Variants in CACNA2D3 observed in about 807,000 individuals in gnomAD.
CACNA2D3 encodes calcium voltage-gated channel auxiliary subunit alpha2delta 3, also known as voltage-dependent calcium channel subunit alpha-2/delta-3.
A neutral mutation model predicts 160.6 loss-of-function variants in CACNA2D3; 60 were observed. The observed-to-expected ratio is 0.37, with a 90% confidence interval of 0.30 to 0.46. The LOEUF (loss-of-function observed/expected upper bound fraction) is 0.46. CACNA2D3 is among the 20% of genes least tolerant of loss of function. The pLI is 1.00. For missense variants in CACNA2D3, 1,205 were observed against 1,365.0 expected (o/e 0.88, Z 1.85); for synonymous variants, 558 against 492.9 (o/e 1.13, Z -1.75).
intron 3 of CACNA2D3, among the ~76,000 whole-genome samples, chr3:54,332,469 T>C (rs1704287473): frequency 6.6e-6 from 1 of 152,208 alleles, no homozygotes; most frequent in South Asian, 2.1e-4. Flanking sequence ...CACATATGTA[T>C]AGGACACGTG....
chr3:54,883,806 T>TCTCTCTCTCTCTCTCTCTCTCTCC (rs1699859664), intron 21 of CACNA2D3, among the ~76,000 whole-genome samples: 1 of 125,210 alleles, frequency 8.0e-6, no homozygotes, highest in Admixed American at 7.8e-5. Flanking sequence ...GGAATCTCTC[T>TCTCTCTCTCTCTCTCTCTCTCTCC]CTCTCTCTCT....
At chr3:55,059,865 C>T (rs962919986) in intron 35 of CACNA2D3, among the ~76,000 whole-genome samples, 6 of 152,028 alleles carry the variant, frequency 3.9e-5, no homozygotes, top group East Asian at 1.9e-4. Flanking sequence ...CCTCTCCAAC[C>T]GTCCCCAGCC....
intron 11 of CACNA2D3, among the ~76,000 whole-genome samples, chr3:54,716,475 C>T (rs975272480): frequency 2.6e-5 from 4 of 152,092 alleles, no homozygotes; most frequent in Admixed American, 6.5e-5. Context: ...AGGGGGTAGA[C>T]GTTACTGTCA....
rs147283994 is a variant in CACNA2D3, at chr3:55,066,315, A to G, written c.2988-7130A>G. ...TTTGGATAAAATCTGGAGAATCTAT[A>G]TAAAGGGTAAAAATCTATAAAGGGT... is the stretch of plus-strand genomic sequence containing the variant. On this transcript the variant is annotated intron_variant, in intron 35 of 37. Transcript: ENST00000474759. Among the ~76,000 whole-genome samples the G allele has an allele frequency of 5.9e-3, 901 of 152,310 alleles. 6 individuals are homozygous for G. The highest frequency in any genetic ancestry group is 0.021 in the African/African-American group (855 of 41,580).
chr3:54,144,925 T>C (rs1413558086), intron 2 of CACNA2D3, among the ~76,000 whole-genome samples: 1 of 152,244 alleles, frequency 6.6e-6, no homozygotes, highest in African/African-American at 2.4e-5. Flanking sequence ...CTTCTGCTGT[T>C]TTTAACAGAA....
At chr3:54,739,949 C>T (rs1328317502) in intron 11 of CACNA2D3, among the ~76,000 whole-genome samples, 1 of 152,036 alleles carries the variant, frequency 6.6e-6, no homozygotes, top group Non-Finnish European at 1.5e-5. Context: ...GGGCAGAGAC[C>T]ATATGGATTT....
intron 25 of CACNA2D3, 87 bp from the exon 26 acceptor site, chr3:54,896,662 T>A: frequency 6.5e-7 from 1 of 1,540,754 alleles, no homozygotes; most frequent in Non-Finnish European, 8.9e-7. Context: ...AACACTGGTT[T>A]TACCTGATGA....
intron 5 of CACNA2D3, among the ~76,000 whole-genome samples, chr3:54,520,958 C>A (rs546596779): frequency 1.3e-5 from 2 of 152,274 alleles, no homozygotes; most frequent in East Asian, 3.9e-4. Flanking sequence ...CTTTTTATGG[C>A]AGAATAATAT....
Position 54,798,772 on chromosome 3 carries a change from G to C in CACNA2D3, c.1381-18081G>C, listed in dbSNP as rs1702922304. Among the ~76,000 whole-genome samples, 3 of 152,332 alleles carry C rather than the reference G, an allele frequency of 2.0e-5. No individual in the cohort carries two copies. In the South Asian group the frequency reaches 6.2e-4, roughly 32 times the overall value. ...ACCCACTAGCGAGCAGCAGCCTGCA[G>C]AGGGGCACATTTCAGCACACAAGAG... On this transcript the variant is annotated intron_variant, in intron 13 of 37. Transcript: ENST00000474759.
At chr3:54,564,389 C>T (rs1378004838) in intron 6 of CACNA2D3, among the ~76,000 whole-genome samples, 1 of 152,178 alleles carries the variant, frequency 6.6e-6, no homozygotes, top group Non-Finnish European at 1.5e-5. Flanking sequence ...GACTTTTGGG[C>T]AGGATGTGGC....
Position 54,370,040 on chromosome 3 carries a change from C to G in CACNA2D3, c.322-16675C>G, listed in dbSNP as rs116540885. Among the ~76,000 whole-genome samples the G allele has an allele frequency of 2.5e-3, 380 of 152,260 alleles. 3 individuals carry two copies. Among genetic ancestry groups the G allele is most frequent in the African/African-American group, 8.8e-3 (367 of 41,544 alleles). ...GTTCTTAATTAAACTTGTATCTTCACGTAGCATATGAGCAATGGGAAAATC... is the reference window on the plus strand; with the variant it reads ...GTTCTTAATTAAACTTGTATCTTCAGGTAGCATATGAGCAATGGGAAAATC... On this transcript the variant is annotated intron_variant, in intron 3 of 37. Transcript: ENST00000474759.
intron 5 of CACNA2D3, among the ~76,000 whole-genome samples, chr3:54,529,537 C>T (rs1163696631): frequency 2.6e-5 from 4 of 152,170 alleles, no homozygotes; most frequent in Non-Finnish European, 5.9e-5. Flanking sequence ...ACCTGTCTGG[C>T]CTTCGGTTTC....
At chr3:54,337,921 G>A (rs981924758) in intron 3 of CACNA2D3, among the ~76,000 whole-genome samples, 1 of 152,154 alleles carries the variant, frequency 6.6e-6, no homozygotes, top group African/African-American at 2.4e-5. Flanking sequence ...ATCAAGCCAT[G>A]GACACCCCTT....
rs1190973400 is a variant in CACNA2D3 at position 54,626,648 on chromosome 3, A to G, written c.964-1139A>G. The G allele has an allele frequency of 5.5e-5, 50 of 916,720 alleles. No individual in the cohort carries two copies. The Admixed American group carries it at 9.5e-4, about 17-fold the overall frequency. The allele number at this position is 916,720 out of a possible 1,614,324, so 56.8% of individuals were successfully genotyped here. A position where few individuals can be genotyped will look rare whatever the true frequency, so the allele number is the denominator to read the frequency against. ...TCCTCCCGCTTCATCCCTCTCAAGCAGTGGCTCAGCTAATAAAGGCGCACA... is the reference window on the plus strand; with the variant it reads ...TCCTCCCGCTTCATCCCTCTCAAGCGGTGGCTCAGCTAATAAAGGCGCACA... On this transcript the variant is annotated intron_variant, in intron 9 of 37. Coordinates refer to ENST00000474759, the MANE Select transcript of CACNA2D3 (RefSeq NM_018398.3).
At chr3:54,573,240 A>G (rs1202441226) in intron 8 of CACNA2D3, among the ~76,000 whole-genome samples, 1 of 152,204 alleles carries the variant, frequency 6.6e-6, no homozygotes, top group Non-Finnish European at 1.5e-5. Context: ...AAAATCATGA[A>G]CTTTGTTCCT....
At chr3:54,905,083 T>G (rs375711361) in intron 27 of CACNA2D3, among the ~76,000 whole-genome samples, 5 of 152,218 alleles carry the variant, frequency 3.3e-5, no homozygotes, top group African/African-American at 1.2e-4. Flanking sequence ...TTATAGAAAC[T>G]GCTCTTTTTA....
chr3:54,949,240 A>C (rs1048144794), intron 27 of CACNA2D3, among the ~76,000 whole-genome samples: 5 of 152,210 alleles, frequency 3.3e-5, no homozygotes, highest in African/African-American at 9.7e-5. Flanking sequence ...CCCTATGCCT[A>C]GCAGGTGGAG....
intron 3 of CACNA2D3, among the ~76,000 whole-genome samples, chr3:54,356,105 T>C (rs1015560003): frequency 2.8e-4 from 37 of 132,662 alleles, no homozygotes; most frequent in Non-Finnish European, 1.6e-4. Flanking sequence ...AATGCCCTGA[T>C]TGGGTGGGAG....
intron 35 of CACNA2D3, among the ~76,000 whole-genome samples, chr3:55,036,256 G>A (rs959708391): frequency 3.9e-5 from 6 of 151,938 alleles, no homozygotes; most frequent in African/African-American, 1.4e-4. Flanking sequence ...AGACCAGCCT[G>A]GCCAACATGG....
Sources: allele counts gnomAD v4.1 joint callset (sites outside exome capture counted in the v4.1 genomes callset), GRCh38; gene constraint gnomAD v4.1.1; transcripts MANE v1.5; gene names NCBI Gene and HGNC (gene_info 2026-07-23, HGNC 2026-07-21).